GLIS3: variants seen among roughly 807,000 people sequenced by gnomAD.
The protein encoded by GLIS3 is GLIS family zinc finger 3, also known as zinc finger protein GLIS3.
In GLIS3, 53 loss-of-function variants were observed where a neutral mutation model predicts 78.6. The observed-to-expected ratio is 0.67, with a 90% CI of 0.54 to 0.85. The LOEUF (loss-of-function observed/expected upper bound fraction) is 0.85, where lower values mean the gene tolerates loss of function less well. GLIS3 is among the 40% of genes least tolerant of loss of function. The probability of loss-of-function intolerance (pLI) is 0.00; values close to 1 mark genes in which losing one functional copy is unlikely to be tolerated. For missense variants in GLIS3, 1,703 were observed against 1,231.1 expected, an observed-to-expected ratio of 1.38 and a Z score of -5.74; for synonymous variants, 684 against 509.9, an observed-to-expected ratio of 1.34 and a Z score of -4.60.
At chr9:4,206,212 C>T (rs1477628260) in intron 2 of GLIS3, among the ~76,000 whole-genome samples, 1 of 152,074 alleles carries the variant, frequency 6.6e-6, no homozygotes, top group South Asian at 2.1e-4. Context: ...AGGGATATTG[C>T]AAGTGAGTAT....
At chr9:4,366,097 G>C in the GLIS3 span, among the ~76,000 whole-genome samples, 1 of 152,206 alleles carries the variant, frequency 6.6e-6, no homozygotes, top group Admixed American at 6.5e-5. Flanking sequence ...GCACCCAGAA[G>C]ACAGGGAGAA....
At chr9:4,427,631 G>A in the GLIS3 span, among the ~76,000 whole-genome samples, 4 of 152,114 alleles carry the variant, frequency 2.6e-5, no homozygotes, top group African/African-American at 7.2e-5. Flanking sequence ...GGCTGAGGCA[G>A]GGGGATCACT....
At chr9:4,399,772 C>G in the GLIS3 span, among the ~76,000 whole-genome samples, 1 of 152,142 alleles carries the variant, frequency 6.6e-6, no homozygotes, top group Non-Finnish European at 1.5e-5. Context: ...GTGTGGGATG[C>G]TATGAGCAGC....
Position 4,249,637 on chromosome 9 carries a change from C to T in GLIS3, c.388+36401G>A, listed in dbSNP as rs562810416. On this transcript the variant is annotated intron_variant, in intron 2 of 10. Coordinates refer to ENST00000381971, the MANE Select transcript of GLIS3 (RefSeq NM_001042413.2). ...CTTTCTCTTGCCTGACTTCCCTGGCCAGAACTTCCAATACTATGTTGAATA... is the reference window on the plus strand; with the variant it reads ...CTTTCTCTTGCCTGACTTCCCTGGCTAGAACTTCCAATACTATGTTGAATA... Among the ~76,000 whole-genome samples the T allele has an allele frequency of 2.7e-4, 41 of 152,236 alleles. 1 individual carries two copies. The East Asian group carries it at 7.7e-3, about 29-fold the overall frequency.
At chr9:4,483,481 A>G in the GLIS3 span, among the ~76,000 whole-genome samples, 1 of 152,062 alleles carries the variant, frequency 6.6e-6, no homozygotes, top group Non-Finnish European at 1.5e-5. Flanking sequence ...GCACTTTGGG[A>G]GGCCAAGGTG....
chr9:4,054,429 CTT>C, intron 4 of GLIS3: 1 of 985,410 alleles, frequency 1.0e-6, no homozygotes, highest in Non-Finnish European at 1.2e-6. Context: ...GTTACAAACA[CTT>C]TGGCGAGAGT....
intron 4 of GLIS3, among the ~76,000 whole-genome samples, chr9:4,116,331 G>C (rs950009849): frequency 3.9e-5 from 6 of 152,158 alleles, no homozygotes; most frequent in Non-Finnish European, 8.8e-5. Flanking sequence ...TTGTTTCTTT[G>C]TGGCATTTTT....
At chr9:4,447,455 A>T in the GLIS3 span, among the ~76,000 whole-genome samples, 1 of 151,980 alleles carries the variant, frequency 6.6e-6, no homozygotes, top group South Asian at 2.1e-4. Context: ...CAGCACCACC[A>T]CCACCATGTT....
chr9:3,939,260 A>C (rs1396425529), intron 4 of GLIS3, among the ~76,000 whole-genome samples: 1 of 152,194 alleles, frequency 6.6e-6, no homozygotes, highest in Non-Finnish European at 1.5e-5. Context: ...AATAAGATTA[A>C]TGAGGTTTCT....
chr9:3,849,202 G>A lies in GLIS3; in HGVS notation c.2473+6807C>T, dbSNP rs146471577. Among the ~76,000 whole-genome samples the A allele has an allele frequency of 1.4e-3, 215 of 152,280 alleles. 2 individuals carry two copies. Among genetic ancestry groups the A allele is most frequent in the African/African-American group, 5.0e-3 (209 of 41,554 alleles). On this transcript the variant is annotated intron_variant, in intron 9 of 10. Coordinates refer to ENST00000381971, the MANE Select transcript of GLIS3 (RefSeq NM_001042413.2). The stretch of plus-strand genomic sequence containing the variant: ...GAGAATGGAAGAGATGGGAAAACAT[G>A]GGGTAGTCTACCCCGACTTCCAAGG...
intron 4 of GLIS3, among the ~76,000 whole-genome samples, chr9:3,962,478 A>G (rs971809515): frequency 6.6e-6 from 1 of 152,216 alleles, no homozygotes; most frequent in African/African-American, 2.4e-5. Context: ...AGGGGGTACC[A>G]GTTCCCTAAT....
At chr9:4,432,366 G>A in the GLIS3 span, among the ~76,000 whole-genome samples, 1 of 152,150 alleles carries the variant, frequency 6.6e-6, no homozygotes, top group African/African-American at 2.4e-5. Flanking sequence ...CAGAAGTGGG[G>A]GGACAGCATG....
intron 2 of GLIS3, among the ~76,000 whole-genome samples, chr9:4,205,502 T>G (rs2131279749): frequency 6.6e-6 from 1 of 152,312 alleles, no homozygotes. Context: ...GAAGATTTGA[T>G]GTGAGAATGT....
the GLIS3 span, among the ~76,000 whole-genome samples, chr9:4,484,261 G>T: frequency 2.8e-5 from 4 of 144,990 alleles, no homozygotes; most frequent in African/African-American, 5.2e-5. Context: ...TTTTTGAGAC[G>T]GAGTCTCGCT....
At chr9:4,111,851 T>C (rs1277482222) in intron 4 of GLIS3, among the ~76,000 whole-genome samples, 1 of 152,244 alleles carries the variant, frequency 6.6e-6, no homozygotes, top group Admixed American at 6.5e-5. Context: ...AGATGTTCAC[T>C]GGTGGTGTTT....
At chr9:4,084,274 CACACACACACACACACACACA>C (rs1203362893) in intron 4 of GLIS3, among the ~76,000 whole-genome samples, 2 of 137,056 alleles carry the variant, frequency 1.5e-5, no homozygotes, top group African/African-American at 2.5e-5. Flanking sequence ...CACACACACA[CACACACACACACACACACACA>C]AATTCCTAGC....
chr9:4,103,047 C>G (rs1388585529), intron 4 of GLIS3, among the ~76,000 whole-genome samples: 1 of 152,084 alleles, frequency 6.6e-6, no homozygotes, highest in African/African-American at 2.4e-5. Context: ...AAGAGGCATC[C>G]TGCTGGAGCC....
chr9:3,913,780 A>G (rs962457926), intron 6 of GLIS3, among the ~76,000 whole-genome samples: 6 of 152,212 alleles, frequency 3.9e-5, no homozygotes, highest in Non-Finnish European at 7.3e-5. Context: ...AAATTATATC[A>G]ATATGTGTGC....
At chr9:4,063,155 A>C (rs1326854401) in intron 4 of GLIS3, among the ~76,000 whole-genome samples, 1 of 152,050 alleles carries the variant, frequency 6.6e-6, no homozygotes, top group Non-Finnish European at 1.5e-5. Flanking sequence ...CTGCCTAGGG[A>C]TTTGATTTGC....
Sources: allele counts gnomAD v4.1 joint callset (sites outside exome capture counted in the v4.1 genomes callset), GRCh38; gene constraint gnomAD v4.1.1; transcripts MANE v1.5; gene names NCBI Gene and HGNC (gene_info 2026-07-23, HGNC 2026-07-21).